Variants in GPR161 observed in about 807,000 individuals in gnomAD.
GPR161 encodes the protein G protein-coupled receptor 161, also known as G-protein coupled receptor RE2.
In GPR161, 25 loss-of-function variants were observed where a neutral mutation model predicts 39.2. The observed-to-expected ratio is 0.64, with a 90% CI of 0.47 to 0.89. The LOEUF is 0.89. Ranked by LOEUF, GPR161 falls within the 40% of genes least tolerant of loss-of-function variation. The probability of loss-of-function intolerance (pLI) is 0.00; values close to 1 mark genes in which losing one functional copy is unlikely to be tolerated. For synonymous variants in GPR161, 286 were observed against 276.6 expected (o/e 1.03, Z -0.34); for missense variants, 547 against 677.8 (o/e 0.81, Z 2.14).
At chr1:168,100,029 C>T (rs1193141221) in intron 2 of GPR161, among the ~76,000 whole-genome samples, 2 of 151,642 alleles carry the variant, frequency 1.3e-5, no homozygotes. Flanking sequence ...AAGGAGACCA[C>T]ATCTCTACAA....
chr1:168,116,951 CTTCTGAA>C (rs1422620831), intron 1 of GPR161, among the ~76,000 whole-genome samples: 1 of 152,164 alleles, frequency 6.6e-6, no homozygotes, highest in African/African-American at 2.4e-5. Flanking sequence ...GGCCTATGGA[CTTCTGAA>C]TTCTGAATTC....
chr1:168,085,559 CCTT>C lies in GPR161; in HGVS notation c.1559_1561del (p.Glu520del), dbSNP rs763363003. The C allele has an allele frequency of 9.3e-6, 15 of 1,613,642 alleles. No individual in the cohort carries two copies. The highest frequency in any genetic ancestry group is 6.6e-5 in the South Asian group (6 of 91,054). ...TCTCTGCTCGGCAGCTAAAACATCT[CCTT>C]CTTCGATGCTCTGCAACTGCAGCCT... On this transcript the variant is annotated inframe_deletion, in exon 6 of 6. Transcript: ENST00000682931.
chr1:168,136,027 C>A (rs1269023306), intron 1 of GPR161: 1 of 1,234,096 alleles, frequency 8.1e-7, no homozygotes, highest in Non-Finnish European at 1.0e-6. Context: ...ACGTTCTCAT[C>A]CCATATGCCT....
At chr1:168,119,534 A>G (rs1452110633) in intron 1 of GPR161, among the ~76,000 whole-genome samples, 1 of 151,994 alleles carries the variant, frequency 6.6e-6, no homozygotes, top group East Asian at 1.9e-4. Flanking sequence ...TAGTTTAATG[A>G]GAATAGGGTT....
intron 1 of GPR161, among the ~76,000 whole-genome samples, chr1:168,110,721 C>A (rs1311817298): frequency 6.6e-6 from 1 of 151,820 alleles, no homozygotes; most frequent in Non-Finnish European, 1.5e-5. Context: ...GTCAGGAGTT[C>A]GAGACCAGCC....
chr1:168,083,491 C>CT lies in GPR161; in HGVS notation c.*2039dup, dbSNP rs1473777742. The CT allele has an allele frequency of 6.6e-6, 1 of 152,260 alleles. No homozygotes were observed. The allele number at this position is 152,260 out of a possible 1,614,324, so 9.4% of individuals were successfully genotyped here. A position where few individuals can be genotyped will look rare whatever the true frequency, so the allele number is the denominator to read the frequency against. ...ACCCATCCTAGAGATAAAGGTCTCT[C>CT]TGCCCTGTTCCACCTCTGTGCACAC... is the stretch of plus-strand genomic sequence containing the variant. On this transcript the variant is annotated 3_prime_UTR_variant, in exon 6 of 6. Coordinates refer to ENST00000682931, the MANE Select transcript of GPR161 (RefSeq NM_001375883.1).
intron 3 of GPR161, among the ~76,000 whole-genome samples, chr1:168,093,249 G>A (rs1232374989): frequency 1.3e-5 from 2 of 152,142 alleles, no homozygotes; most frequent in African/African-American, 4.8e-5. Flanking sequence ...GACCTTCCCC[G>A]TGGGAATTGG....
Position 168,085,569 on chromosome 1 carries a change from T to C in GPR161, c.1552A>G (p.Ile518Val), listed in dbSNP as rs1350842141. Residue 518 changes from isoleucine to valine, a missense_variant, in exon 6 of 6, where the codon ATC becomes GTC. Physicochemically the swap from Ile to Val is conservative, Grantham distance 29 (BLOSUM62 3). Transcript: ENST00000682931. ...GCAGCTAAAACATCTCCTTCTTCGATGCTCTGCAACTGCAGCCTCTGGCTC... is the reference window on the plus strand; with the variant it reads ...GCAGCTAAAACATCTCCTTCTTCGACGCTCTGCAACTGCAGCCTCTGGCTC... The part of the protein sequence containing the change: ...LVSQRLQLQS[I>V]EEGDVLAAEQ... 6.2e-7 allele frequency: 1 copy of C among 1,613,912 alleles called. No homozygotes were observed. The highest frequency in any genetic ancestry group is 1.3e-5 in the African/African-American group (1 of 74,956).
intron 3 of GPR161, among the ~76,000 whole-genome samples, chr1:168,096,004 C>T (rs138208015): frequency 0.012 from 1,754 of 151,874 alleles, 41 homozygotes; most frequent in African/African-American, 0.04. Context: ...TGTGGTGGTG[C>T]GTGCCTATAA....
At chr1:168,122,565 A>T (rs1698266091) in intron 1 of GPR161, among the ~76,000 whole-genome samples, 1 of 152,160 alleles carries the variant, frequency 6.6e-6, no homozygotes, top group Non-Finnish European at 1.5e-5. Flanking sequence ...AGCTCCCTCC[A>T]GGGCCTGGCT....
chr1:168,097,097 C>T lies in GPR161; in HGVS notation c.510G>A (p.Glu170=). ...LPPLFGWSSV[E]FDEFKWMCVA... is the part of the protein sequence containing the mutation. ...CACACATCCATTTGAACTCGTCAAA[C>T]TCCACGGATGACCAACCAAACAGGG... The change falls in exon 3 of 6, where the codon GAG becomes GAA. Residue 170 remains glutamate, a synonymous_variant. Transcript: ENST00000682931. The T allele has an allele frequency of 3.1e-6, 5 of 1,614,120 alleles. No individual in the cohort carries two copies. Among genetic ancestry groups the T allele is most frequent in the Non-Finnish European group, 4.2e-6 (5 of 1,180,036 alleles).
rs78135065 is a variant in GPR161, at chr1:168,117,991, C to G, written c.-44-13097G>C. ...AATTTTATTTAAAAACAGAAAGAAA[C>G]AAACAAATAAGTGGGGTAGAGAAGA... On this transcript the variant is annotated intron_variant, in intron 1 of 5. Coordinates refer to ENST00000682931, the MANE Select transcript of GPR161 (RefSeq NM_001375883.1). 1.0e-2 allele frequency among the ~76,000 whole-genome samples: 876 copies of G among 87,724 alleles called. 8 individuals carry two copies. The highest frequency in any genetic ancestry group is 0.045 in the African/African-American group (756 of 16,664). 57.6% of individuals were successfully genotyped at this position (87,724 alleles called of 152,430 possible).
In GPR161 at chr1:168,096,786, A is replaced by C; in HGVS notation, c.821T>G (p.Val274Gly). 6.2e-7 allele frequency: 1 copy of C among 1,614,134 alleles called. No individual in the cohort carries two copies. The highest frequency in any genetic ancestry group is 8.5e-7 in the Non-Finnish European group (1 of 1,180,026). Reference sequence around the variant, plus strand: ...GGTGACCATGAAGGCACCGAGGACCACCAGGATGGTGATGAGGGCTTTGCA... The same window carrying C: ...GGTGACCATGAAGGCACCGAGGACCCCCAGGATGGTGATGAGGGCTTTGCA... Reference protein sequence around the residue: ...NQCKALITILVVLGAFMVTWG... With the variant: ...NQCKALITILGVLGAFMVTWG... The change falls in exon 3 of 6, where the codon GTG becomes GGG. Residue 274 changes from valine to glycine, a missense_variant. Transcript: ENST00000682931.
intron 3 of GPR161, among the ~76,000 whole-genome samples, chr1:168,091,219 G>A (rs7518881): frequency 0.01 from 1,587 of 152,218 alleles, 26 homozygotes; most frequent in African/African-American, 0.035. Context: ...CAGGAACGGG[G>A]TTGGGGGGTA....
In GPR161 at chr1:168,084,097, AAGGG is replaced by A. The variant is rs1411642526; in HGVS notation, c.*1430_*1433del. On this transcript the variant is annotated 3_prime_UTR_variant, in exon 6 of 6. Transcript: ENST00000682931. ...AAACTTCAACTGCTGTTCCAGCACAAAGGGAGGAGAAGAGAGGTTTAACCATCCC... is the reference window on the plus strand; with the variant it reads ...AAACTTCAACTGCTGTTCCAGCACAAAGGAGAAGAGAGGTTTAACCATCCC... 6.5e-6 allele frequency: 1 copy of A among 153,628 alleles called. No homozygotes were observed. The highest frequency in any genetic ancestry group is 2.0e-4 in the South Asian group (1 of 4,886). 9.5% of individuals were successfully genotyped at this position (153,628 alleles called of 1,614,324 possible).
rs755621404 is a variant in GPR161, at chr1:168,097,172, C to T, written c.435G>A (p.Val145=). 5 of 1,614,042 alleles carry T rather than the reference C, an allele frequency of 3.1e-6. No individual in the cohort carries two copies. Among genetic ancestry groups the T allele is most frequent in the Non-Finnish European group, 4.2e-6 (5 of 1,180,028 alleles). The change falls in exon 3 of 6, where the codon GTG becomes GTA. Residue 145 remains valine, a synonymous_variant. Coordinates refer to ENST00000682931, the MANE Select transcript of GPR161 (RefSeq NM_001375883.1). ...YPMKITGNRA[V]MALVYIWLHS... is the part of the protein sequence containing the mutation. ...GAAGCCAGATGTAGACAAGTGCCATCACAGCCCGGTTCCCTGTGATCTTCA... is the reference window on the plus strand; with the variant it reads ...GAAGCCAGATGTAGACAAGTGCCATTACAGCCCGGTTCCCTGTGATCTTCA...
chr1:168,119,052 G>C (rs1697874677), intron 1 of GPR161, among the ~76,000 whole-genome samples: 1 of 151,162 alleles, frequency 6.6e-6, no homozygotes, highest in Non-Finnish European at 1.5e-5. Flanking sequence ...ATTAAACACA[G>C]AATTACCATA....
chr1:168,137,351 C>T, upstream of GPR161: 1 of 1,535,954 alleles, frequency 6.5e-7, no homozygotes, highest in Non-Finnish European at 8.7e-7. Context: ...CTCCTCCAGT[C>T]CCGCCGTGGA....
chr1:168,104,948 G>T, intron 1 of GPR161, 54 bp from the exon 2 acceptor site: 1 of 1,391,602 alleles, frequency 7.2e-7, no homozygotes, highest in Non-Finnish European at 9.9e-7. Context: ...AAATCACATC[G>T]TCTCCACCTT....
Sources: gnomAD v4.1 joint callset for allele counts (sites outside exome capture counted in the v4.1 genomes callset) on GRCh38, gnomAD v4.1.1 for gene constraint, MANE v1.5 for transcripts, NCBI Gene and HGNC (gene_info 2026-07-23, HGNC 2026-07-21) for gene names.